ADAMTS20: variants seen among roughly 807,000 people sequenced by gnomAD.
The protein encoded by ADAMTS20 is A disintegrin and metalloproteinase with thrombospondin motifs 20.
Under a neutral mutation model 260.1 loss-of-function variants are expected in ADAMTS20, and 225 were observed. That is an observed-to-expected ratio of 0.87 (90% CI 0.78 to 0.97). The LOEUF is 0.97. Among genes scored for constraint, ADAMTS20 ranks in the 50% least tolerant of loss-of-function variants. The probability of loss-of-function intolerance (pLI) is 0.00; values close to 1 mark genes in which losing one functional copy is unlikely to be tolerated. For synonymous variants in ADAMTS20, 802 were observed against 769.5 expected (o/e 1.04, Z -0.70); for missense variants, 2,400 against 2,337.7 (o/e 1.03, Z -0.55).
chr12:43,432,686 C>T lies in ADAMTS20; in HGVS notation c.2846G>A (p.Cys949Tyr), dbSNP rs1369069598. 1.5e-5 allele frequency: 24 copies of T among 1,613,844 alleles called. 1 individual carries two copies. Among genetic ancestry groups the T allele is most frequent in the African/African-American group, 6.7e-5 (5 of 74,924 alleles). ...GQTVQVDDHY[C>Y]GDQLKPPTQE... is the part of the protein sequence containing the mutation. Reference sequence around the variant, plus strand: ...GGTAGGAGGTTTAAGCTGGTCACCACAGTAGTGGTCATCAACTTGAACAGT... The same window carrying T: ...GGTAGGAGGTTTAAGCTGGTCACCATAGTAGTGGTCATCAACTTGAACAGT... The change falls in exon 20 of 39, where the codon TGT becomes TAT. Residue 949 changes from cysteine to tyrosine, a missense_variant. Physicochemically the swap from Cys to Tyr is radical, Grantham distance 194 (BLOSUM62 -2). Coordinates refer to ENST00000389420, the MANE Select transcript of ADAMTS20 (RefSeq NM_025003.5).
rs369362061 is a variant in ADAMTS20 at position 43,429,587 on chromosome 12, A to G, written c.3489+30T>C. The G allele has an allele frequency of 2.3e-4, 338 of 1,469,310 alleles. No homozygotes were observed. In the African/African-American group the frequency reaches 4.4e-3, roughly 19 times the overall value. The allele number at this position is 1,469,310 out of a possible 1,614,324, so 91.0% of individuals were successfully genotyped here. On this transcript the variant is annotated intron_variant, in intron 24 of 38. Transcript: ENST00000389420. ...ATGTCTAAAAGCTACCATAATAGAAACACTGTATCTATTAAAGAAATTCAC... is the reference window on the plus strand; with the variant it reads ...ATGTCTAAAAGCTACCATAATAGAAGCACTGTATCTATTAAAGAAATTCAC...
intron 14 of ADAMTS20, among the ~76,000 whole-genome samples, chr12:43,449,696 C>A (rs895903354): frequency 1.8e-4 from 28 of 152,060 alleles, no homozygotes; most frequent in African/African-American, 6.3e-4. Context: ...TTACAAAGTT[C>A]TTTTCACAAA....
At chr12:43,448,239 T>C (rs1941798662) in intron 14 of ADAMTS20, among the ~76,000 whole-genome samples, 2 of 152,092 alleles carry the variant, frequency 1.3e-5, no homozygotes, top group South Asian at 4.1e-4. Context: ...AACTTCAAAC[T>C]ATACTACAGG....
At chr12:43,407,759 C>T (rs932871826) in intron 28 of ADAMTS20, among the ~76,000 whole-genome samples, 6 of 152,074 alleles carry the variant, frequency 3.9e-5, no homozygotes, top group Non-Finnish European at 7.4e-5. Context: ...AACCTGCAAA[C>T]ATTAGTTATT....
intron 3 of ADAMTS20, among the ~76,000 whole-genome samples, chr12:43,520,626 T>C (rs901484279): frequency 6.6e-6 from 1 of 152,170 alleles, no homozygotes; most frequent in Non-Finnish European, 1.5e-5. Context: ...AAGTGATCTT[T>C]GAAAGAGTAG....
chr12:43,538,706 T>A (rs1943331103), intron 2 of ADAMTS20, among the ~76,000 whole-genome samples: 1 of 152,214 alleles, frequency 6.6e-6, no homozygotes, highest in Non-Finnish European at 1.5e-5. Flanking sequence ...ATTTAAATGA[T>A]CATGGCAATT....
chr12:43,362,491 C>T (rs1419056737), intron 37 of ADAMTS20, among the ~76,000 whole-genome samples: 1 of 152,096 alleles, frequency 6.6e-6, no homozygotes, highest in Non-Finnish European at 1.5e-5. Flanking sequence ...ACATAGGATT[C>T]CTCTGCAAAG....
intron 37 of ADAMTS20, among the ~76,000 whole-genome samples, chr12:43,368,823 G>C (rs1008285286): frequency 2.6e-5 from 4 of 151,954 alleles, no homozygotes; most frequent in Non-Finnish European, 5.9e-5. Context: ...GAGAACTCTA[G>C]AAATAAAGGA....
rs1291227309 is a variant in ADAMTS20 at position 43,427,315 on chromosome 12, C to T, written c.4100G>A (p.Trp1367Ter). 2.5e-6 allele frequency: 4 copies of T among 1,610,542 alleles called. No individual in the cohort carries two copies. The African/African-American group carries it at 4.0e-5, about 16-fold the overall frequency. ...GAAAATATTATGACTTACTTCTCCCCAATTTCCGTAGTTCCACTGTGGACA... is the reference window on the plus strand; with the variant it reads ...GAAAATATTATGACTTACTTCTCCCTAATTTCCGTAGTTCCACTGTGGACA... ...GPCPQWNYGN[W>*]GECSQTCGGG... The change falls in exon 27 of 39, where the codon TGG becomes TAG. Residue 1367 changes from tryptophan to a stop codon, truncating the protein, a stop_gained. Transcript: ENST00000389420. LOFTEE classifies it high-confidence loss of function.
chr12:43,524,894 A>C (rs917061443), intron 3 of ADAMTS20, among the ~76,000 whole-genome samples: 1 of 152,242 alleles, frequency 6.6e-6, no homozygotes, highest in East Asian at 1.9e-4. Flanking sequence ...TAAAATAGCC[A>C]AACCTAAGAA....
chr12:43,354,658 A>C (rs1466808676), intron 38 of ADAMTS20, among the ~76,000 whole-genome samples: 1 of 152,200 alleles, frequency 6.6e-6, no homozygotes, highest in Non-Finnish European at 1.5e-5. Context: ...CCCAATTTGC[A>C]ATCCAGTATT....
chr12:43,362,182 A>G (rs1271491451), intron 37 of ADAMTS20, among the ~76,000 whole-genome samples: 1 of 152,224 alleles, frequency 6.6e-6, no homozygotes, highest in Non-Finnish European at 1.5e-5. Flanking sequence ...GAGAGTTGAA[A>G]TGGATGTGTC....
chr12:43,383,637 G>C lies in ADAMTS20; in HGVS notation c.4718C>G (p.Ser1573Cys). 6.2e-7 allele frequency: 1 copy of C among 1,613,820 alleles called. No individual in the cohort carries two copies. The highest frequency in any genetic ancestry group is 1.1e-5 in the South Asian group (1 of 91,062). ...CTTGGATGTAAGAGATATGGTTGAA[G>C]AATTATAGACTATTTCATTCACTTG... ...IRQVNEIVYNSSTISLTSKNC... is the reference protein window; with the variant it reads ...IRQVNEIVYNCSTISLTSKNC... Residue 1573 changes from serine to cysteine, a missense_variant, in exon 31 of 39, where the codon TCT (serine) becomes TGT (cysteine). Physicochemically the swap from Ser to Cys is moderately radical, Grantham distance 112 (BLOSUM62 -1). Coordinates refer to ENST00000389420, the MANE Select transcript of ADAMTS20 (RefSeq NM_025003.5).
At position 43,501,469 on chromosome 12, in the gene ADAMTS20, G is replaced by GCACACACACA. The variant is rs1474415285; in HGVS notation, c.867+682_867+683insTGTGTGTGTG. On this transcript the variant is annotated intron_variant, in intron 4 of 38. Coordinates refer to ENST00000389420, the MANE Select transcript of ADAMTS20 (RefSeq NM_025003.5). ...GGGTGGTGGAGGGGGATACGCGCGC[G>GCACACACACA]CGCGCGCGCGCGCACACACACACAC... 2.4e-4 allele frequency among the ~76,000 whole-genome samples: 10 copies of GCACACACACA among 42,094 alleles called. No homozygotes were observed. The South Asian group carries it at 2.7e-3, about 12-fold the overall frequency. The allele number at this position is 42,094 out of a possible 152,430, so 27.6% of individuals were successfully genotyped here.
rs983315399 is a variant in ADAMTS20 at position 43,418,051 on chromosome 12, C to A, written c.4284+7463G>T. 6.0e-4 allele frequency among the ~76,000 whole-genome samples: 92 copies of A among 152,270 alleles called. 1 individual carries two copies. Among genetic ancestry groups the A allele is most frequent in the Admixed American group, 6.0e-3 (92 of 15,304 alleles). ...TATGTTTTAGTTTTAAGCACACAGA[C>A]TTTTGCTGGTTAAGTTTAAAATCAT... On this transcript the variant is annotated intron_variant, in intron 28 of 38. Transcript: ENST00000389420.
At chr12:43,471,516 C>A (rs1372479568) in intron 7 of ADAMTS20, among the ~76,000 whole-genome samples, 5 of 131,656 alleles carry the variant, frequency 3.8e-5, no homozygotes, top group Non-Finnish European at 8.1e-5. Context: ...CCTCTGTAGG[C>A]TCCACCTCTG....
chr12:43,551,015 G>A lies in ADAMTS20; in HGVS notation c.347C>T (p.Ala116Val), dbSNP rs1416457112. The A allele has an allele frequency of 6.2e-7, 1 of 1,613,568 alleles. No homozygotes were observed. The highest frequency in any genetic ancestry group is 8.5e-7 in the Non-Finnish European group (1 of 1,179,766). ...EVHLGTPERG[A>V]WESDAGPSDL... ...CGAGGGCCCTGCGTCGCTCTCCCAG[G>A]CCCCGCGCTCCGGGGTTCCCAAGTG... The change falls in exon 2 of 39, where the codon GCC becomes GTC. Residue 116 changes from alanine (A) to valine (V), a missense_variant. Ala to Val is a moderately conservative substitution (Grantham distance 64, BLOSUM62 0). Transcript: ENST00000389420. This position sits in a 1 kb window ranked among gnomAD's most constrained non-coding sequence, Gnocchi z 4.6.
At chr12:43,364,168 T>C (rs1206848299) in intron 37 of ADAMTS20, among the ~76,000 whole-genome samples, 1 of 152,004 alleles carries the variant, frequency 6.6e-6, no homozygotes, top group Non-Finnish European at 1.5e-5. Flanking sequence ...TAGAATTCAC[T>C]GAAACAGTTC....
chr12:43,444,670 T>C (rs569815482), intron 15 of ADAMTS20, among the ~76,000 whole-genome samples: 1 of 152,322 alleles, frequency 6.6e-6, no homozygotes, highest in South Asian at 2.1e-4. Flanking sequence ...ACGCAGGTTT[T>C]TAAATATACA....
Sources: allele counts gnomAD v4.1 joint callset (sites outside exome capture counted in the v4.1 genomes callset), GRCh38; gene constraint gnomAD v4.1.1; non-coding constraint Gnocchi (gnomAD v3.1); transcripts MANE v1.5; gene names NCBI Gene and HGNC (gene_info 2026-07-23, HGNC 2026-07-21).